The following COL5A2 variants were observed in gnomAD, a reference collection of about 807,000 sequenced individuals.
The protein encoded by COL5A2 is collagen type V alpha 2 chain.
Under a neutral mutation model 208.2 loss-of-function variants are expected in COL5A2, and 23 were observed. The observed-to-expected ratio is 0.11, with a 90% CI of 0.08 to 0.16. The LOEUF (loss-of-function observed/expected upper bound fraction) is 0.16. Among genes scored for constraint, COL5A2 ranks in the 10% least tolerant of loss-of-function variants. The pLI is 1.00. For missense variants in COL5A2, 1,590 were observed against 1,956.4 expected (o/e 0.81, Z 3.53); for synonymous variants, 625 against 628.5 (o/e 0.99, Z 0.08).
chr2:189,052,247 A>T (rs547703655), intron 40 of COL5A2, 22 bp from the exon 41 acceptor site: 1 of 1,611,810 alleles, frequency 6.2e-7, no homozygotes, highest in East Asian at 2.2e-5. Flanking sequence ...ATATCATATA[A>T]GCAATTTTTA....
chr2:189,101,234 T>C (rs1687040139), intron 3 of COL5A2, among the ~76,000 whole-genome samples: 1 of 152,106 alleles, frequency 6.6e-6, no homozygotes, highest in Non-Finnish European at 1.5e-5. Flanking sequence ...TTCTAGTTTA[T>C]TTTATTTCTC....
At position 189,097,272 on chromosome 2, in the gene COL5A2, C is replaced by A; in HGVS notation, c.456+5G>T. ...TCCCCACAAGGAGCCCTCCTGTCAA[C>A]TTACAGGTCTTCCTTTTGGCCCTCG... On this transcript the variant is annotated splice_donor_5th_base_variant and intron_variant, in intron 6 of 53. Transcript: ENST00000374866. 1 of 1,614,120 alleles carries A rather than the reference C, an allele frequency of 6.2e-7. No individual in the cohort carries two copies. The highest frequency in any genetic ancestry group is 8.5e-7 in the Non-Finnish European group (1 of 1,179,986).
At chr2:189,434,479 A>G in the COL5A2 span, among the ~76,000 whole-genome samples, 1 of 152,214 alleles carries the variant, frequency 6.6e-6, no homozygotes, top group Non-Finnish European at 1.5e-5. Context: ...AACTTCAGCA[A>G]AGTCTCAGGA....
the COL5A2 span, among the ~76,000 whole-genome samples, chr2:189,266,521 G>A: frequency 6.6e-6 from 1 of 151,816 alleles, no homozygotes; most frequent in Non-Finnish European, 1.5e-5. Flanking sequence ...AGACATAAAA[G>A]GCCATGTATT....
the COL5A2 span, among the ~76,000 whole-genome samples, chr2:189,401,013 G>C: frequency 2.0e-5 from 3 of 151,204 alleles, no homozygotes; most frequent in Admixed American, 6.6e-5. Flanking sequence ...CTGGTCTGCT[G>C]TTATTTGGCC....
the COL5A2 span, among the ~76,000 whole-genome samples, chr2:189,359,325 G>A: frequency 1.3e-5 from 2 of 152,210 alleles, no homozygotes; most frequent in South Asian, 4.1e-4. Flanking sequence ...CATCTACTGA[G>A]ATGATTGTTT....
chr2:189,134,993 T>C (rs1423774798), intron 1 of COL5A2, among the ~76,000 whole-genome samples: 1 of 152,214 alleles, frequency 6.6e-6, no homozygotes, highest in Non-Finnish European at 1.5e-5. Context: ...TTATCTTGCC[T>C]TTAAGGATAG....
intron 1 of COL5A2, among the ~76,000 whole-genome samples, chr2:189,160,049 T>C (rs1171693348): frequency 6.6e-6 from 1 of 152,116 alleles, no homozygotes; most frequent in Non-Finnish European, 1.5e-5. Context: ...TAGAGTGTTG[T>C]TCTTGGTGAC....
Position 189,035,652 on chromosome 2 carries a change from T to C in COL5A2, c.4114-497A>G, listed in dbSNP as rs991799639. Among the ~76,000 whole-genome samples the C allele has an allele frequency of 2.6e-5, 4 of 152,136 alleles. No homozygotes were observed. The East Asian group carries it at 5.8e-4, about 22-fold the overall frequency. On this transcript the variant is annotated intron_variant, in intron 52 of 53. Transcript: ENST00000374866. ...TAGCTTTGGTTTCAGCACTCCCATT[T>C]GGGGGTTTTATTTTACATATTATAT...
chr2:189,046,141 A>G (rs1685662813), intron 45 of COL5A2, among the ~76,000 whole-genome samples: 1 of 152,024 alleles, frequency 6.6e-6, no homozygotes, highest in Non-Finnish European at 1.5e-5. Flanking sequence ...CCTACTCCCT[A>G]TTGCTCGCAC....
intron 40 of COL5A2, among the ~76,000 whole-genome samples, 176 bp from the exon 41 acceptor site, chr2:189,052,401 C>T (rs1301950560): frequency 6.6e-6 from 1 of 151,898 alleles, no homozygotes; most frequent in Non-Finnish European, 1.5e-5. Context: ...TCTAGATTAA[C>T]TGGTAGGAAG....
the COL5A2 span, among the ~76,000 whole-genome samples, chr2:189,286,482 G>A: frequency 6.6e-6 from 1 of 151,960 alleles, no homozygotes; most frequent in Non-Finnish European, 1.5e-5. Flanking sequence ...TTAAAGTGTG[G>A]GTTGAAGTAT....
chr2:189,132,614 A>C (rs1371548211), intron 1 of COL5A2, among the ~76,000 whole-genome samples: 1 of 152,210 alleles, frequency 6.6e-6, no homozygotes, highest in Non-Finnish European at 1.5e-5. Context: ...AATTCATCTC[A>C]TTTATTGTCA....
the COL5A2 span, among the ~76,000 whole-genome samples, chr2:189,337,345 G>A: frequency 6.6e-6 from 1 of 151,496 alleles, no homozygotes; most frequent in Non-Finnish European, 1.5e-5. Flanking sequence ...ACTACGCCCG[G>A]CTAATTTTTT....
chr2:189,250,792 A>G, the COL5A2 span, among the ~76,000 whole-genome samples: 1 of 152,162 alleles, frequency 6.6e-6, no homozygotes. Context: ...CTTTGAGAAA[A>G]GAAATAATAC....
Position 189,035,148 on chromosome 2 carries a change from T to C in COL5A2, c.4121A>G (p.Tyr1374Cys). 1 of 1,613,870 alleles carries C rather than the reference T, an allele frequency of 6.2e-7. No homozygotes were observed. Among genetic ancestry groups the C allele is most frequent in the Non-Finnish European group, 8.5e-7 (1 of 1,179,852 alleles). Reference sequence around the variant, plus strand: ...TGTATTAGGTGATTGGTGGTCTCCATAAGCGAACTAGAAAAACAAAGAGTC... The same window carrying C: ...TGTATTAGGTGATTGGTGGTCTCCACAAGCGAACTAGAAAAACAAAGAGTC... Reference protein sequence around the residue: ...LDMNRGSQFAYGDHQSPNTAI... With the variant: ...LDMNRGSQFACGDHQSPNTAI... Residue 1374 changes from tyrosine (Y) to cysteine (C), a missense_variant, in exon 53 of 54, where the codon TAT becomes TGT. Tyr to Cys is a radical substitution (Grantham distance 194). Coordinates refer to ENST00000374866, the MANE Select transcript of COL5A2 (RefSeq NM_000393.5).
intron 1 of COL5A2, among the ~76,000 whole-genome samples, chr2:189,152,301 G>T (rs1436608921): frequency 6.6e-6 from 1 of 152,186 alleles, no homozygotes; most frequent in Non-Finnish European, 1.5e-5. Flanking sequence ...ACAATAATAG[G>T]TAAGGTCAGC....
At chr2:189,098,830 A>G (rs1459944377) in intron 4 of COL5A2, 71 bp from the exon 5 acceptor site, 1 of 1,127,364 alleles carries the variant, frequency 8.9e-7, no homozygotes, top group Non-Finnish European at 1.3e-6. Flanking sequence ...ATAGTAACAA[A>G]TAAGAATAAC....
intron 1 of COL5A2, among the ~76,000 whole-genome samples, chr2:189,219,882 C>A (rs866980566): frequency 6.6e-6 from 1 of 151,942 alleles, no homozygotes; most frequent in African/African-American, 2.4e-5. Context: ...TGCCCCCCCC[C>A]CACTCTTAGA....
Sources: allele counts gnomAD v4.1 joint callset (sites outside exome capture counted in the v4.1 genomes callset), GRCh38; gene constraint gnomAD v4.1.1; transcripts MANE v1.5; gene names NCBI Gene and HGNC (gene_info 2026-07-23, HGNC 2026-07-21).